The following CSMD2 variants were observed in gnomAD, a reference collection of about 807,000 sequenced individuals.
The protein encoded by CSMD2 is CUB and sushi domain-containing protein 2.
A neutral mutation model predicts 398.5 loss-of-function variants in CSMD2; 130 were observed. The observed-to-expected ratio is 0.33, with a 90% CI of 0.28 to 0.38. The LOEUF is 0.38. Ranked by LOEUF, CSMD2 falls within the 10% of genes least tolerant of loss-of-function variation. The probability of loss-of-function intolerance (pLI) is 1.00; values close to 1 mark genes in which losing one functional copy is unlikely to be tolerated. For missense variants in CSMD2, 3,829 were observed against 4,764.9 expected, an observed-to-expected ratio of 0.80 and a Z score of 5.78; for synonymous variants, 1,828 against 1,908.5, an observed-to-expected ratio of 0.96 and a Z score of 1.10.
At position 33,607,701 on chromosome 1, in the gene CSMD2, C is replaced by T. The variant is rs560008707; in HGVS notation, c.6344-2231G>A. Among the ~76,000 whole-genome samples the T allele has an allele frequency of 7.2e-5, 11 of 152,350 alleles. No homozygotes were observed. The South Asian group carries it at 2.1e-3, about 29-fold the overall frequency. On this transcript the variant is annotated intron_variant, in intron 41 of 70. Coordinates refer to ENST00000373381, the MANE Select transcript of CSMD2 (RefSeq NM_001281956.2). ...CCAAGTCTGAGGGGAGCAGGTGCCC[C>T]GGCACCATGTGTGGCTCCACAGGAG...
At chr1:34,047,744 A>C (rs373416881) in intron 2 of CSMD2, among the ~76,000 whole-genome samples, 8 of 152,240 alleles carry the variant, frequency 5.3e-5, no homozygotes, top group East Asian at 3.8e-4. Flanking sequence ...ATAAATTGTT[A>C]GCCAATCATC....
At chr1:34,108,638 A>C (rs1660753385) in intron 1 of CSMD2, among the ~76,000 whole-genome samples, 3 of 152,218 alleles carry the variant, frequency 2.0e-5, no homozygotes, top group Admixed American at 1.3e-4. Context: ...AATGATAAGA[A>C]AGTAACAAAG....
Position 34,089,060 on chromosome 1 carries a change from C to T in CSMD2, c.321G>A (p.Val107=). 6.2e-7 allele frequency: 1 copy of T among 1,614,178 alleles called. No individual in the cohort carries two copies. Among genetic ancestry groups the T allele is most frequent in the Non-Finnish European group, 8.5e-7 (1 of 1,180,034 alleles). ...CCTCTTCCAGGGCAAAGGACTGGAA[C>T]ACAAGCTGGATTCTGTGCTGCTCTT... The part of the protein sequence containing the change: ...TAEEQHRIQL[V]FQSFALEEDF... The change falls in exon 2 of 71, where the codon GTG becomes GTA. Residue 107 remains valine (V), a synonymous_variant. Coordinates refer to ENST00000373381, the MANE Select transcript of CSMD2 (RefSeq NM_001281956.2).
intron 3 of CSMD2, among the ~76,000 whole-genome samples, chr1:33,944,157 A>T (rs1362143342): frequency 6.6e-6 from 1 of 152,040 alleles, no homozygotes; most frequent in Non-Finnish European, 1.5e-5. Context: ...CACAGACCAC[A>T]GTTTGCTGAC....
At chr1:33,542,979 C>T (rs544327230) in intron 57 of CSMD2, 83 bp from the exon 58 acceptor site, 11 of 1,164,468 alleles carry the variant, frequency 9.4e-6, no homozygotes, top group Non-Finnish European at 1.3e-5. Context: ...GAGTGGAAGC[C>T]ACATGCTACC....
intron 2 of CSMD2, among the ~76,000 whole-genome samples, chr1:34,039,518 G>T (rs559330354): frequency 6.6e-6 from 1 of 152,310 alleles, no homozygotes; most frequent in South Asian, 2.1e-4. Flanking sequence ...CTACCATTCA[G>T]GTATGGTGAG....
At chr1:33,546,555 C>A (rs1656917128) in intron 56 of CSMD2, among the ~76,000 whole-genome samples, 1 of 152,194 alleles carries the variant, frequency 6.6e-6, no homozygotes, top group Non-Finnish European at 1.5e-5. Flanking sequence ...CAAACACCTG[C>A]TGATTCTGTA....
rs1038154891 is a variant in CSMD2, at chr1:33,704,984, G to A, written c.3576+4105C>T. 6.0e-4 allele frequency among the ~76,000 whole-genome samples: 91 copies of A among 150,832 alleles called. 1 individual carries two copies. The highest frequency in any genetic ancestry group is 2.6e-4 in the Admixed American group (4 of 15,106). ...AGACAGGGTTTCACTGTATTAACCA[G>A]GATGGTCTCATCTTTGTTTTAATAC... is the stretch of plus-strand genomic sequence containing the variant. On this transcript the variant is annotated intron_variant, in intron 22 of 70. Coordinates refer to ENST00000373381, the MANE Select transcript of CSMD2 (RefSeq NM_001281956.2).
Position 33,862,004 on chromosome 1 carries a change from T to G in CSMD2, c.921-15008A>C, listed in dbSNP as rs1039096293. ...AACCAGAGGGTATGGGATCCTCTGA[T>G]GTGGCTCATACAGACCAGCTTCCCA... On this transcript the variant is annotated intron_variant, in intron 5 of 70. Coordinates refer to ENST00000373381, the MANE Select transcript of CSMD2 (RefSeq NM_001281956.2). Among the ~76,000 whole-genome samples the G allele has an allele frequency of 4.6e-5, 7 of 152,100 alleles. 1 individual carries two copies. Among genetic ancestry groups the G allele is most frequent in the African/African-American group, 1.7e-4 (7 of 41,390 alleles).
chr1:33,631,648 A>G (rs1205059482), intron 32 of CSMD2, among the ~76,000 whole-genome samples: 3 of 152,154 alleles, frequency 2.0e-5, no homozygotes, highest in African/African-American at 7.2e-5. Context: ...TTAACAAACA[A>G]TGAATACTGC....
chr1:34,036,784 A>G (rs1183084647), intron 2 of CSMD2, among the ~76,000 whole-genome samples: 1 of 152,226 alleles, frequency 6.6e-6, no homozygotes, highest in Non-Finnish European at 1.5e-5. Flanking sequence ...CAAAATAAAA[A>G]GTTTCATGAA....
At position 33,571,532 on chromosome 1, in the gene CSMD2, T is replaced by A. The variant is rs1468578536; in HGVS notation, c.7957A>T (p.Ile2653Phe). 1 of 1,452,166 alleles carries A rather than the reference T, an allele frequency of 6.9e-7. No individual in the cohort carries two copies. Among genetic ancestry groups the A allele is most frequent in the Non-Finnish European group, 9.2e-7 (1 of 1,083,588 alleles). The allele number at this position is 1,452,166 out of a possible 1,614,324, so 90.0% of individuals were successfully genotyped here. ...SLGDSTPTCR[I>F]ISCGELPIPP... ...GCCCACCCTCCCTTCCTGGGCTTAC[T>A]TCGGCAGGTGGGCGTAGAGTCCCCG... Residue 2653 changes from isoleucine (I) to phenylalanine (F), a missense_variant and splice_region_variant, in exon 51 of 71, where the codon ATC (isoleucine) becomes TTC (phenylalanine). Physicochemically the swap from Ile to Phe is conservative, Grantham distance 21 (BLOSUM62 0). Coordinates refer to ENST00000373381, the MANE Select transcript of CSMD2 (RefSeq NM_001281956.2).
intron 13 of CSMD2, among the ~76,000 whole-genome samples, chr1:33,754,697 A>T (rs6684352): frequency 6.6e-6 from 1 of 152,052 alleles, no homozygotes; most frequent in South Asian, 2.1e-4. Context: ...TTATGTTAAA[A>T]GTTTTTAAAG....
At chr1:33,908,807 C>T (rs138084075) in intron 5 of CSMD2, among the ~76,000 whole-genome samples, 15 of 152,346 alleles carry the variant, frequency 9.8e-5, no homozygotes, top group Admixed American at 3.3e-4. Context: ...TCTTTTCTTA[C>T]TGCTCCGCGG....
chr1:33,629,229 A>G (rs1016708179), intron 32 of CSMD2, among the ~76,000 whole-genome samples: 7 of 152,202 alleles, frequency 4.6e-5, no homozygotes, highest in African/African-American at 1.7e-4. Flanking sequence ...CAATTTAAAA[A>G]ATAACTACTA....
rs1237724971 is a variant in CSMD2, at chr1:33,558,870, A to G, written c.8554+430T>C. 2.0e-5 allele frequency among the ~76,000 whole-genome samples: 3 copies of G among 152,130 alleles called. No homozygotes were observed. In the East Asian group the frequency reaches 5.8e-4, roughly 29 times the overall value. On this transcript the variant is annotated intron_variant, in intron 54 of 70. Coordinates refer to ENST00000373381, the MANE Select transcript of CSMD2 (RefSeq NM_001281956.2). ...ATGGGGATCTCTTAAGAGTGGTTCC[A>G]AAGGAGCTGCAGCAGCCATTTTGCA...
chr1:34,013,578 G>T (rs1338329158), intron 3 of CSMD2, among the ~76,000 whole-genome samples: 1 of 152,120 alleles, frequency 6.6e-6, no homozygotes, highest in Non-Finnish European at 1.5e-5. Context: ...TACTGTTCTT[G>T]GTTCCCAGCT....
At chr1:33,946,943 A>G (rs1307226357) in intron 3 of CSMD2, among the ~76,000 whole-genome samples, 1 of 151,978 alleles carries the variant, frequency 6.6e-6, no homozygotes, top group Non-Finnish European at 1.5e-5. Flanking sequence ...CCACCTGACA[A>G]TTTTTATAGC....
chr1:33,671,128 A>G (rs1176533351), intron 25 of CSMD2, among the ~76,000 whole-genome samples: 2 of 152,192 alleles, frequency 1.3e-5, no homozygotes, highest in Non-Finnish European at 2.9e-5. Context: ...TGAGACCTGA[A>G]GCCGTGGCTC....
Sources: gnomAD v4.1 joint callset for allele counts (sites outside exome capture counted in the v4.1 genomes callset) on GRCh38, gnomAD v4.1.1 for gene constraint, MANE v1.5 for transcripts, NCBI Gene and HGNC (gene_info 2026-07-23, HGNC 2026-07-21) for gene names.